The following ARHGEF7 variants were observed in gnomAD, a reference collection of about 807,000 sequenced individuals.
The protein encoded by ARHGEF7 is Rho guanine nucleotide exchange factor 7, also known as PAK-interacting exchange factor beta.
Under a neutral mutation model 109.8 loss-of-function variants are expected in ARHGEF7, and 33 were observed. That is an observed-to-expected ratio of 0.30 (90% confidence interval 0.23 to 0.40). ARHGEF7 has a LOEUF of 0.40. ARHGEF7 is among the 10% of genes least tolerant of loss of function. ARHGEF7 has a pLI of 1.00. For missense variants in ARHGEF7, 938 were observed against 1,098.5 expected (o/e 0.85, Z 2.07); for synonymous variants, 458 against 424.6 (o/e 1.08, Z -0.97).
chr13:111,127,210 A>G (rs1214423083), intron 1 of ARHGEF7, among the ~76,000 whole-genome samples: 1 of 152,252 alleles, frequency 6.6e-6, no homozygotes, highest in African/African-American at 2.4e-5. Context: ...TAAAGAAGAA[A>G]TTGATAACTT....
intron 19 of ARHGEF7, 29 bp from the exon 20 acceptor site, chr13:111,300,719 G>A: frequency 6.7e-7 from 1 of 1,489,540 alleles, no homozygotes; most frequent in East Asian, 2.3e-5. Flanking sequence ...TTCGCCTGAG[G>A]TTTATTTATT....
intron 4 of ARHGEF7, among the ~76,000 whole-genome samples, chr13:111,210,293 C>T (rs1594755160): frequency 6.6e-6 from 1 of 152,172 alleles, no homozygotes; most frequent in East Asian, 1.9e-4. Flanking sequence ...CACCCCTTGT[C>T]ATTTGCATGG....
chr13:111,276,682 A>G (rs2092504032), intron 12 of ARHGEF7, among the ~76,000 whole-genome samples: 1 of 152,166 alleles, frequency 6.6e-6, no homozygotes, highest in Admixed American at 6.5e-5. Context: ...GAATGTTCCC[A>G]ATGTATGTTG....
At chr13:111,130,245 C>T (rs1007108446) in intron 1 of ARHGEF7, among the ~76,000 whole-genome samples, 1 of 152,188 alleles carries the variant, frequency 6.6e-6, no homozygotes, top group African/African-American at 2.4e-5. Flanking sequence ...GCGTGAGGGG[C>T]AGAGTCATTA....
chr13:111,196,853 G>A (rs555085783), intron 2 of ARHGEF7, among the ~76,000 whole-genome samples: 2 of 152,282 alleles, frequency 1.3e-5, no homozygotes, highest in African/African-American at 4.8e-5. Context: ...CCCTCTTACA[G>A]AAAAGGTCAA....
chr13:111,153,936 G>C lies in ARHGEF7; in HGVS notation c.197G>C (p.Cys66Ser), dbSNP rs762266835. The C allele has an allele frequency of 6.2e-7, 1 of 1,605,896 alleles. No homozygotes were observed. The highest frequency in any genetic ancestry group is 1.1e-5 in the South Asian group (1 of 90,478). The stretch of plus-strand genomic sequence containing the variant: ...CCCGAGCCCCGGAGCGAGAGCGAGT[G>C]CCTGAGCAACATCCGCGAGTTCCTG... ...VYPEPRSESE[C>S]LSNIREFLRG... is the part of the protein sequence containing the mutation. Residue 66 changes from cysteine (C) to serine (S), a missense_variant, in exon 2 of 22, where the codon TGC (cysteine) becomes TCC (serine). Coordinates refer to ENST00000646102, the MANE Select transcript of ARHGEF7 (RefSeq NM_001354046.2).
intron 2 of ARHGEF7, among the ~76,000 whole-genome samples, chr13:111,174,369 C>T (rs2077910652): frequency 1.3e-5 from 2 of 152,240 alleles, no homozygotes; most frequent in South Asian, 2.1e-4. Context: ...ATCTTCATGT[C>T]TTCCGAATTC....
chr13:111,273,113 C>T lies in ARHGEF7; in HGVS notation c.1074-701C>T, dbSNP rs2092275826. Among the ~76,000 whole-genome samples, 1 of 152,240 alleles carries T rather than the reference C, an allele frequency of 6.6e-6. No individual in the cohort carries two copies. Among genetic ancestry groups the T allele is most frequent in the Non-Finnish European group, 1.5e-5 (1 of 68,040 alleles). The stretch of plus-strand genomic sequence containing the variant: ...GTCCATACACAGGGACACCTTCCTT[C>T]CTTACGTGTTGTGAGGATTGAATGT... On this transcript the variant is annotated intron_variant, in intron 9 of 21. Transcript: ENST00000646102. This position sits in a 1 kb window ranked among gnomAD's most constrained non-coding sequence, Gnocchi z 4.5.
intron 2 of ARHGEF7, among the ~76,000 whole-genome samples, chr13:111,156,343 T>G (rs1391641558): frequency 1.3e-5 from 2 of 152,194 alleles, no homozygotes; most frequent in Non-Finnish European, 2.9e-5. Flanking sequence ...CATTTTAAAG[T>G]AAAAAATTAG....
At position 111,292,578 on chromosome 13, in the gene ARHGEF7, T is replaced by C. The variant is rs1050136392; in HGVS notation, c.2311+284T>C. On this transcript the variant is annotated intron_variant, in intron 19 of 21. Coordinates refer to ENST00000646102, the MANE Select transcript of ARHGEF7 (RefSeq NM_001354046.2). ...ATCCGAGGGTGCTCTTCGTAAGGGG[T>C]AGTTGTTGTTTTATAGCTCCAAATG... The C allele has an allele frequency of 9.1e-6, 12 of 1,315,176 alleles. No homozygotes were observed. In the African/African-American group the frequency reaches 1.6e-4, roughly 18 times the overall value. 81.5% of individuals were successfully genotyped at this position (1,315,176 alleles called of 1,614,324 possible). A position where few individuals can be genotyped will look rare whatever the true frequency, so the allele number is the denominator to read the frequency against.
At chr13:111,254,674 C>T (rs1335685482) in intron 8 of ARHGEF7, among the ~76,000 whole-genome samples, 2 of 41,978 alleles carry the variant, frequency 4.8e-5, no homozygotes, top group Non-Finnish European at 9.1e-5. Flanking sequence ...GAGTCGCTAA[C>T]GTGAAGGCCG....
chr13:111,152,448 C>G (rs908790108), intron 1 of ARHGEF7, among the ~76,000 whole-genome samples: 1 of 152,180 alleles, frequency 6.6e-6, no homozygotes, highest in Non-Finnish European at 1.5e-5. Flanking sequence ...TGCCATTCCA[C>G]TGAAAAAATG....
chr13:111,273,781 C>A lies in ARHGEF7; in HGVS notation c.1074-33C>A. ...AGCCACCATTGTCTCTCATTGCTAA[C>A]CACGAGTGTCTCTCTTGCCACTTGC... On this transcript the variant is annotated intron_variant, in intron 9 of 21. Coordinates refer to ENST00000646102, the MANE Select transcript of ARHGEF7 (RefSeq NM_001354046.2). This position sits in a 1 kb window ranked among gnomAD's most constrained non-coding sequence, Gnocchi z 4.5. 1 of 1,612,326 alleles carries A rather than the reference C, an allele frequency of 6.2e-7. No homozygotes were observed. Among genetic ancestry groups the A allele is most frequent in the Admixed American group, 1.7e-5 (1 of 59,980 alleles).
intron 1 of ARHGEF7, among the ~76,000 whole-genome samples, chr13:111,150,896 C>A (rs963980999): frequency 3.0e-4 from 45 of 152,312 alleles, no homozygotes; most frequent in African/African-American, 9.6e-4. Flanking sequence ...ACCCAGAAAG[C>A]AAGGTTTTTG....
At chr13:111,193,574 C>T (rs1025156302) in intron 2 of ARHGEF7, among the ~76,000 whole-genome samples, 5 of 152,210 alleles carry the variant, frequency 3.3e-5, no homozygotes, top group African/African-American at 4.8e-5. Flanking sequence ...ATTAGATAAG[C>T]GTACTTGCTA....
chr13:111,264,950 T>A (rs1295580887), intron 8 of ARHGEF7, among the ~76,000 whole-genome samples: 1 of 152,058 alleles, frequency 6.6e-6, no homozygotes, highest in South Asian at 2.1e-4. Flanking sequence ...AAAACTGACA[T>A]GTTATCTAGT....
chr13:111,142,799 T>C lies in ARHGEF7; in HGVS notation c.166-11106T>C, dbSNP rs537458915. Among the ~76,000 whole-genome samples, 201 of 152,220 alleles carry C rather than the reference T, an allele frequency of 1.3e-3. 3 individuals carry two copies. Among genetic ancestry groups the C allele is most frequent in the South Asian group, 0.012 (57 of 4,826 alleles). On this transcript the variant is annotated intron_variant, in intron 1 of 21. Coordinates refer to ENST00000646102, the MANE Select transcript of ARHGEF7 (RefSeq NM_001354046.2). ...CACCATCTCCTCTCCAAAATGAGCC[T>C]GCCTCTTTGCATGCCTTCAAATCCC... is the stretch of plus-strand genomic sequence containing the variant.
At chr13:111,122,879 A>G (rs1348316679) in intron 1 of ARHGEF7, 1 of 152,344 alleles carries the variant, frequency 6.6e-6, no homozygotes, top group Non-Finnish European at 1.5e-5. Flanking sequence ...TAAGCTGTGT[A>G]CTGCCCGGTC....
intron 8 of ARHGEF7, among the ~76,000 whole-genome samples, chr13:111,246,017 A>G (rs1016994833): frequency 2.6e-5 from 4 of 152,226 alleles, no homozygotes. Context: ...AGGCTTTGTC[A>G]CTTTTCCAAA....
Sources: allele counts gnomAD v4.1 joint callset (sites outside exome capture counted in the v4.1 genomes callset), GRCh38; gene constraint gnomAD v4.1.1; non-coding constraint Gnocchi (gnomAD v3.1); transcripts MANE v1.5; gene names NCBI Gene and HGNC (gene_info 2026-07-23, HGNC 2026-07-21).